The following ZNF469 variants were observed in gnomAD, a reference collection of about 807,000 sequenced individuals.
The protein encoded by ZNF469 is zinc finger protein 469.
ZNF469 carries 1 observed loss-of-function variant against 1.0 expected under a neutral mutation model. The ratio of observed to expected loss-of-function variants is 1.00; its 90% CI spans 0.35 to 4.73. The LOEUF is 4.73. Among genes scored for constraint, ZNF469 ranks in the 30% most tolerant of loss-of-function variants. ZNF469 has a pLI of 0.16. For synonymous variants in ZNF469, 2,703 were observed against 2,363.4 expected (o/e 1.14, Z -4.17); for missense variants, 6,100 against 5,356.3 (o/e 1.14, Z -4.33).
the ZNF469 span, among the ~76,000 whole-genome samples, chr16:88,104,779 C>A: frequency 3.9e-5 from 6 of 152,234 alleles, no homozygotes; most frequent in Non-Finnish European, 8.8e-5. Context: ...GTCCCCACAG[C>A]CTGATAAAAT....
chr16:88,229,978 A>G, the ZNF469 span, among the ~76,000 whole-genome samples: 2 of 152,156 alleles, frequency 1.3e-5, no homozygotes, highest in Non-Finnish European at 2.9e-5. Context: ...TCTGGGATCC[A>G]GGGCAGCAGC....
At chr16:88,120,000 T>G in the ZNF469 span, among the ~76,000 whole-genome samples, 1 of 152,144 alleles carries the variant, frequency 6.6e-6, no homozygotes, top group South Asian at 2.1e-4. Context: ...AGGGGAGCAC[T>G]GTCTTCTGAG....
At chr16:88,288,279 T>C in the ZNF469 span, among the ~76,000 whole-genome samples, 1 of 152,188 alleles carries the variant, frequency 6.6e-6, no homozygotes, top group Non-Finnish European at 1.5e-5. Context: ...CCAGTAGCTT[T>C]GTGAGAGAGG....
At chr16:88,309,065 G>T in the ZNF469 span, among the ~76,000 whole-genome samples, 2 of 152,156 alleles carry the variant, frequency 1.3e-5, no homozygotes, top group East Asian at 3.9e-4. Flanking sequence ...GTCCCGACTG[G>T]ACCTTCTCCC....
chr16:88,257,124 T>G, the ZNF469 span, among the ~76,000 whole-genome samples: 1 of 149,000 alleles, frequency 6.7e-6, no homozygotes, highest in East Asian at 1.9e-4. Context: ...AATTTTTTTT[T>G]TTTTTTTTTT....
At chr16:88,268,769 G>T in the ZNF469 span, among the ~76,000 whole-genome samples, 2 of 152,118 alleles carry the variant, frequency 1.3e-5, no homozygotes, top group Non-Finnish European at 2.9e-5. Flanking sequence ...TTTTTTTGAG[G>T]TAAGCCTGGG....
upstream of ZNF469, among the ~76,000 whole-genome samples, chr16:88,379,742 G>C (rs2092516298): frequency 1.3e-5 from 2 of 152,198 alleles, no homozygotes; most frequent in Admixed American, 1.3e-4. Flanking sequence ...GTCAAAGCAG[G>C]TGGGTGTGGA....
chr16:88,179,538 C>T, the ZNF469 span, among the ~76,000 whole-genome samples: 1 of 152,160 alleles, frequency 6.6e-6, no homozygotes, highest in South Asian at 2.1e-4. Context: ...CCCAGGTGTC[C>T]CTTGATAGCC....
the ZNF469 span, among the ~76,000 whole-genome samples, chr16:88,304,088 G>T: frequency 6.6e-6 from 1 of 152,220 alleles, no homozygotes; most frequent in Non-Finnish European, 1.5e-5. Context: ...GAGGAGGCTT[G>T]TTCTGGGAGG....
chr16:88,248,681 A>G, the ZNF469 span, among the ~76,000 whole-genome samples: 4 of 152,238 alleles, frequency 2.6e-5, no homozygotes, highest in African/African-American at 9.6e-5. Flanking sequence ...TGAACTCAGC[A>G]TCATGGAACT....
chr16:88,146,728 C>T, the ZNF469 span, among the ~76,000 whole-genome samples: 4 of 152,062 alleles, frequency 2.6e-5, no homozygotes, highest in African/African-American at 9.7e-5. Context: ...TGGTTTCCAG[C>T]CCATGAGATC....
chr16:88,365,874 C>G, the ZNF469 span, among the ~76,000 whole-genome samples: 1 of 152,194 alleles, frequency 6.6e-6, no homozygotes, highest in East Asian at 1.9e-4. Context: ...CTGCCAAACC[C>G]TTCCCAGATT....
chr16:88,131,617 T>C, the ZNF469 span, among the ~76,000 whole-genome samples: 26,258 of 151,936 alleles, frequency 0.17, 2,629 homozygotes, highest in East Asian at 0.47. Context: ...CGAATGCCCC[T>C]TGGGCTTGGG....
At chr16:88,336,295 C>T in the ZNF469 span, among the ~76,000 whole-genome samples, 3 of 150,866 alleles carry the variant, frequency 2.0e-5, no homozygotes, top group Non-Finnish European at 4.4e-5. Flanking sequence ...AGTGATGCGC[C>T]AATACCACAC....
chr16:88,318,841 C>T, the ZNF469 span, among the ~76,000 whole-genome samples: 2 of 152,244 alleles, frequency 1.3e-5, no homozygotes, highest in Non-Finnish European at 2.9e-5. Context: ...GAAGCCCCAG[C>T]GTCCAGACGG....
the ZNF469 span, among the ~76,000 whole-genome samples, chr16:88,222,542 G>A: frequency 6.6e-6 from 1 of 152,250 alleles, no homozygotes. Flanking sequence ...TGGATCGCCT[G>A]AGGTTGGGAG....
At chr16:88,348,198 A>G in the ZNF469 span, among the ~76,000 whole-genome samples, 1,128 of 152,276 alleles carry the variant, frequency 7.4e-3, 20 homozygotes, top group African/African-American at 0.026. Context: ...GGAAGTGCAA[A>G]GTCAAGGTGG....
At chr16:88,105,465 C>A in the ZNF469 span, among the ~76,000 whole-genome samples, 2 of 152,072 alleles carry the variant, frequency 1.3e-5, no homozygotes, top group Non-Finnish European at 1.5e-5. Context: ...TGACCACGCC[C>A]AGCTAATTTT....
At chr16:88,334,856 A>T in the ZNF469 span, among the ~76,000 whole-genome samples, 2 of 152,012 alleles carry the variant, frequency 1.3e-5, no homozygotes, top group African/African-American at 4.8e-5. Flanking sequence ...TGTGACAGAG[A>T]CGGACGTGGG....
Sources: gnomAD v4.1 joint callset for allele counts (sites outside exome capture counted in the v4.1 genomes callset) on GRCh38, gnomAD v4.1.1 for gene constraint, MANE v1.5 for transcripts, NCBI Gene and HGNC (gene_info 2026-07-23, HGNC 2026-07-21) for gene names.